RBM28: variants seen among roughly 807,000 people sequenced by gnomAD.
RBM28 encodes RNA-binding protein 28.
In RBM28, 78 loss-of-function variants were observed where a neutral mutation model predicts 98.3. The ratio of observed to expected loss-of-function variants is 0.79; its 90% confidence interval spans 0.66 to 0.96. RBM28 has a LOEUF of 0.96. RBM28 is among the 40% of genes least tolerant of loss of function. The pLI is 0.00. For synonymous variants in RBM28, 306 were observed against 330.9 expected (o/e 0.92, Z 0.82); for missense variants, 838 against 913.0 (o/e 0.92, Z 1.06).
intron 1 of RBM28, chr7:128,341,107 T>G (rs1487100827): frequency 8.0e-7 from 1 of 1,251,672 alleles, no homozygotes; most frequent in African/African-American, 1.5e-5. Context: ...GATCAAGAAG[T>G]CTGCCTTTAC....
chr7:128,329,686 C>A lies in RBM28; in HGVS notation c.1129+1133G>T, dbSNP rs189757263. 1.4e-3 allele frequency among the ~76,000 whole-genome samples: 216 copies of A among 152,112 alleles called. 2 individuals are homozygous for A. The highest frequency in any genetic ancestry group is 5.0e-3 in the African/African-American group (206 of 41,512). On this transcript the variant is annotated intron_variant, in intron 10 of 18. Coordinates refer to ENST00000223073, the MANE Select transcript of RBM28 (RefSeq NM_018077.3). ...GTATCACAAGGTCAGGAGTTGGAGA[C>A]CATCCTGGCTAACACGGTGAAGCCC... is the stretch of plus-strand genomic sequence containing the variant.
At chr7:128,343,643 C>T (rs1480923001) in intron 1 of RBM28, 33 bp downstream of exon 1, 1 of 1,552,410 alleles carries the variant, frequency 6.4e-7, no homozygotes, top group South Asian at 1.1e-5. Context: ...TCGCAGGAAA[C>T]CCCAGCCCTA....
chr7:128,335,853 T>G lies in RBM28; in HGVS notation c.803A>C (p.Gln268Pro), dbSNP rs765466083. 1.2e-6 allele frequency: 2 copies of G among 1,614,074 alleles called. No individual in the cohort carries two copies. The highest frequency in any genetic ancestry group is 1.6e-4 in the Middle Eastern group (1 of 6,084). ...ESKVTKPVQIQKRAVKRPAPA... is the reference protein window; with the variant it reads ...ESKVTKPVQIPKRAVKRPAPA... ...AACAGGATGAGCTGCTTACCTCTTC[T>G]GAATTTGCACAGGCTTGGTCACCTT... The change falls in exon 7 of 19, where the codon CAG becomes CCG. Residue 268 changes from glutamine (Q) to proline (P), a missense_variant. Coordinates refer to ENST00000223073, the MANE Select transcript of RBM28 (RefSeq NM_018077.3).
At chr7:128,327,509 T>C (rs1308111635) in intron 10 of RBM28, among the ~76,000 whole-genome samples, 1 of 152,168 alleles carries the variant, frequency 6.6e-6, no homozygotes, top group African/African-American at 2.4e-5. Flanking sequence ...AACAATTTTT[T>C]TTTTTTTTGA....
intron 16 of RBM28, among the ~76,000 whole-genome samples, chr7:128,315,455 T>C (rs1796087384): frequency 6.6e-6 from 1 of 152,064 alleles, no homozygotes; most frequent in South Asian, 2.1e-4. Context: ...AGATAAATAC[T>C]AAACAATTTA....
In RBM28 at chr7:128,313,178, C is replaced by T; in HGVS notation, c.2142G>A (p.Glu714=). 6.2e-7 allele frequency: 1 copy of T among 1,613,560 alleles called. No individual in the cohort carries two copies. The highest frequency in any genetic ancestry group is 8.5e-7 in the Non-Finnish European group (1 of 1,179,480). Residue 714 remains glutamate (E), a synonymous_variant, in exon 18 of 19, where the codon GAG becomes GAA. Transcript: ENST00000223073. ...CTGTATGTCCTGCAGAACTCACCTG[C>T]TCGGACGATAATTGCTGCTTCTCCT... The part of the protein sequence containing the change: ...WKQEKQQLSS[E]QVSRKKAKGN...
Position 128,310,567 on chromosome 7 carries a change from T to C in RBM28, c.*230A>G, listed in dbSNP as rs1795958693. 1 of 579,570 alleles carries C rather than the reference T, an allele frequency of 1.7e-6. No individual in the cohort carries two copies. Among genetic ancestry groups the C allele is most frequent in the South Asian group, 2.1e-5 (1 of 48,120 alleles). The allele number at this position is 579,570 out of a possible 1,614,324, so 35.9% of individuals were successfully genotyped here. ...ACTTCATACAATAATCTGGATAATA[T>C]GCAAGAAGCATCATGTTGACTTTCA... On this transcript the variant is annotated 3_prime_UTR_variant, in exon 19 of 19. Transcript: ENST00000223073.
rs749515623 is a variant in RBM28 at position 128,339,666 on chromosome 7, G to GT, written c.243dup (p.Leu82ThrfsTer12). The GT allele has an allele frequency of 6.2e-7, 1 of 1,614,070 alleles. No individual in the cohort carries two copies. Among genetic ancestry groups the GT allele is most frequent in the Non-Finnish European group, 8.5e-7 (1 of 1,180,000 alleles). Reference sequence around the variant, plus strand: ...CCCTTTTCCTTTGTCTTGTTCCTCAGTTTTTTCTTGGCAACAGTCACGTTG... The same window carrying GT: ...CCCTTTTCCTTTGTCTTGTTCCTCAGTTTTTTTCTTGGCAACAGTCACGTTG... On this transcript the variant is annotated frameshift_variant, in exon 2 of 19. Transcript: ENST00000223073. LOFTEE classifies it high-confidence loss of function.
chr7:128,340,739 C>A (rs1796706986), intron 1 of RBM28, among the ~76,000 whole-genome samples: 1 of 152,212 alleles, frequency 6.6e-6, no homozygotes, highest in Admixed American at 6.5e-5. Flanking sequence ...ATTACCAACG[C>A]CTTAGCTGTC....
In RBM28 at chr7:128,325,951, C is replaced by T. The variant is rs540495392; in HGVS notation, c.1130-60G>A. 9 of 1,340,492 alleles carry T rather than the reference C, an allele frequency of 6.7e-6. No individual in the cohort carries two copies. In the East Asian group the frequency reaches 1.1e-4, roughly 17 times the overall value. The allele number at this position is 1,340,492 out of a possible 1,614,324, so 83.0% of individuals were successfully genotyped here. A position where few individuals can be genotyped will look rare whatever the true frequency, so the allele number is the denominator to read the frequency against. ...ACTCCCACAGATAAACCAAAGACAA[C>T]ATTGCAAATGGCAACAGCCTGACAC... On this transcript the variant is annotated intron_variant, in intron 10 of 18. Transcript: ENST00000223073.
chr7:128,325,964 A>G (rs1019179142), intron 10 of RBM28, 73 bp from the exon 11 acceptor site: 8 of 1,203,592 alleles, frequency 6.6e-6, no homozygotes, highest in Non-Finnish European at 8.7e-6. Context: ...TGCAAATGGC[A>G]ACAGCCTGAC....
At position 128,307,864 on chromosome 7, in the gene RBM28, G is replaced by T. The variant is rs73230632; in HGVS notation, c.*2933C>A. ...ATGGGGGTCTCACTATGTTGGCCAG[G>T]TCGGTCTCAAACTCCTGACCTCAAG... On this transcript the variant is annotated 3_prime_UTR_variant, in exon 19 of 19. Transcript: ENST00000223073. 6,749 of 152,228 alleles carry T rather than the reference G, an allele frequency of 0.044. 223 individuals are homozygous for T. Among genetic ancestry groups the T allele is most frequent in the Non-Finnish European group, 0.07 (4,779 of 68,018 alleles). 9.4% of individuals were successfully genotyped at this position (152,228 alleles called of 1,614,324 possible).
intron 1 of RBM28, among the ~76,000 whole-genome samples, chr7:128,342,452 C>T (rs1017625202): frequency 6.6e-5 from 10 of 152,090 alleles, no homozygotes; most frequent in South Asian, 2.1e-4. Context: ...CTACATGAGG[C>T]GGGCGGATCA....
chr7:128,314,563 T>C (rs1408211298), intron 17 of RBM28, among the ~76,000 whole-genome samples: 2 of 152,208 alleles, frequency 1.3e-5, no homozygotes, highest in East Asian at 1.9e-4. Context: ...AAGCCTGCCC[T>C]AGGAGGCCCC....
chr7:128,323,385 T>C, intron 13 of RBM28, 142 bp downstream of exon 13: 3 of 912,520 alleles, frequency 3.3e-6, no homozygotes, highest in Non-Finnish European at 5.5e-6. Flanking sequence ...ATTTCACCTA[T>C]GTGCTTTTCT....
At chr7:128,324,835 G>A in intron 11 of RBM28, 141 bp from the exon 12 acceptor site, 1 of 1,136,678 alleles carries the variant, frequency 8.8e-7, no homozygotes, top group Non-Finnish European at 1.3e-6. Context: ...CCAACATGGT[G>A]AAACCTCGTC....
intron 14 of RBM28, among the ~76,000 whole-genome samples, chr7:128,320,076 G>C (rs1374678385): frequency 1.3e-5 from 2 of 152,008 alleles, no homozygotes; most frequent in African/African-American, 4.8e-5. Flanking sequence ...AATCAGCTGG[G>C]CGTGGTGGTG....
intron 14 of RBM28, among the ~76,000 whole-genome samples, chr7:128,318,841 A>G (rs1796162335): frequency 6.6e-6 from 1 of 152,230 alleles, no homozygotes; most frequent in African/African-American, 2.4e-5. Context: ...TTACAACTGA[A>G]AAAAGCCCTC....
rs1481082492 is a variant in RBM28 at position 128,310,885 on chromosome 7, T to C, written c.2192A>G (p.Asn731Ser). Residue 731 changes from asparagine (N) to serine (S), a missense_variant, in exon 19 of 19, where the codon AAC (asparagine) becomes AGC (serine). Physicochemically the swap from Asn to Ser is conservative, Grantham distance 46. Coordinates refer to ENST00000223073, the MANE Select transcript of RBM28 (RefSeq NM_018077.3). ...CTGCTTATATTGTTCGACCAGCTGG[T>C]TGAAGCGGGTTTCCGTCTTATTTCC... The part of the protein sequence containing the change: ...AKGNKTETRF[N>S]QLVEQYKQKL... 3 of 1,614,058 alleles carry C rather than the reference T, an allele frequency of 1.9e-6. No individual in the cohort carries two copies. In the East Asian group the frequency reaches 6.7e-5, roughly 36 times the overall value.
Sources: gnomAD v4.1 joint callset for allele counts (sites outside exome capture counted in the v4.1 genomes callset) on GRCh38, gnomAD v4.1.1 for gene constraint, MANE v1.5 for transcripts, NCBI Gene and HGNC (gene_info 2026-07-23, HGNC 2026-07-21) for gene names.